Variants in PTPRK observed in about 807,000 individuals in gnomAD.
The protein encoded by PTPRK is protein tyrosine phosphatase receptor type K.
Under a neutral mutation model 178.0 loss-of-function variants are expected in PTPRK, and 75 were observed. The observed-to-expected ratio is 0.42, with a 90% CI of 0.35 to 0.51. The LOEUF (loss-of-function observed/expected upper bound fraction) is 0.51. Ranked by LOEUF, PTPRK falls within the 20% of genes least tolerant of loss-of-function variation. The pLI is 0.02. For synonymous variants in PTPRK, 637 were observed against 620.6 expected (o/e 1.03, Z -0.39); for missense variants, 1,441 against 1,797.8 (o/e 0.80, Z 3.59).
In PTPRK at chr6:127,973,678, C is replaced by T. The variant is rs138416879; in HGVS notation, c.4119G>A (p.Thr1373=). The part of the protein sequence containing the change: ...QEECEEGEGR[T]IIHCLNGGGR... ...GCCCTACTCACAGGCAGTGGATAAT[C>T]GTCCGGCCTTCCCCTTCCTCGCATT... The change falls in exon 28 of 30, where the codon ACG becomes ACA. Residue 1373 remains threonine, a synonymous_variant. Transcript: ENST00000368226. 1.8e-5 allele frequency: 29 copies of T among 1,613,538 alleles called. 1 individual carries two copies. The highest frequency in any genetic ancestry group is 5.3e-5 in the African/African-American group (4 of 74,878).
intron 1 of PTPRK, among the ~76,000 whole-genome samples, chr6:128,402,442 G>A (rs998982470): frequency 3.9e-5 from 6 of 151,976 alleles, no homozygotes; most frequent in African/African-American, 1.2e-4. Context: ...TAGTAGAGAC[G>A]GGGTTTCACC....
chr6:128,025,847 A>G (rs558927567), intron 13 of PTPRK, among the ~76,000 whole-genome samples: 35 of 152,298 alleles, frequency 2.3e-4, no homozygotes, highest in African/African-American at 7.9e-4. Flanking sequence ...ATAAGAATAC[A>G]TGTAACTGGA....
intron 1 of PTPRK, among the ~76,000 whole-genome samples, chr6:128,434,879 T>C (rs1334248041): frequency 6.6e-6 from 1 of 150,534 alleles, no homozygotes; most frequent in African/African-American, 2.4e-5. Flanking sequence ...AAAAAAAAAG[T>C]TGAGCATGGT....
chr6:127,996,925 T>G lies in PTPRK; in HGVS notation c.2743A>C (p.Asn915His), dbSNP rs533847533. Reference protein sequence around the residue: ...VAKKDQNRAKNRYGNIIAYDH... With the variant: ...VAKKDQNRAKHRYGNIIAYDH... ...CATGCTATAATGTTTCCATATCGGT[T>G]TTTTGCTCTATTTTGATCTTTTTTA... Residue 915 changes from asparagine (N) to histidine (H), a missense_variant, in exon 17 of 30, where the codon AAC becomes CAC. Transcript: ENST00000368226. The G allele has an allele frequency of 1.2e-6, 2 of 1,611,464 alleles. No homozygotes were observed. The highest frequency in any genetic ancestry group is 2.2e-5 in the South Asian group (2 of 90,772).
At chr6:128,211,666 G>A (rs1053061816) in intron 6 of PTPRK, among the ~76,000 whole-genome samples, 1 of 152,016 alleles carries the variant, frequency 6.6e-6, no homozygotes, top group Non-Finnish European at 1.5e-5. Flanking sequence ...CTGGTCAGCA[G>A]AATGTATATT....
chr6:128,513,587 C>A (rs1857495324), intron 1 of PTPRK, among the ~76,000 whole-genome samples: 1 of 151,752 alleles, frequency 6.6e-6, no homozygotes, highest in Non-Finnish European at 1.5e-5. Flanking sequence ...ATCATTAATC[C>A]TTTTGCAATA....
At chr6:128,208,913 C>T (rs1278761297) in intron 6 of PTPRK, among the ~76,000 whole-genome samples, 1 of 152,080 alleles carries the variant, frequency 6.6e-6, no homozygotes, top group African/African-American at 2.4e-5. Flanking sequence ...CAAATGAGTT[C>T]TTCTACAAGG....
At chr6:128,194,069 A>G (rs1457879116) in intron 6 of PTPRK, among the ~76,000 whole-genome samples, 1 of 131,816 alleles carries the variant, frequency 7.6e-6, no homozygotes, top group Admixed American at 7.4e-5. Flanking sequence ...TATATATATT[A>G]TTATTATTAT....
At chr6:128,149,462 T>C (rs1796964587) in intron 7 of PTPRK, among the ~76,000 whole-genome samples, 1 of 152,192 alleles carries the variant, frequency 6.6e-6, no homozygotes, top group African/African-American at 2.4e-5. Flanking sequence ...ATAGTTGTTA[T>C]ATTGCAGTCA....
chr6:128,425,330 G>A (rs907518376), intron 1 of PTPRK, among the ~76,000 whole-genome samples: 1 of 151,982 alleles, frequency 6.6e-6, no homozygotes, highest in African/African-American at 2.4e-5. Context: ...GCCTGCCTCA[G>A]CCTCCCAAAG....
At chr6:127,982,283 T>C (rs1438906554) in intron 24 of PTPRK, among the ~76,000 whole-genome samples, 1 of 152,160 alleles carries the variant, frequency 6.6e-6, no homozygotes, top group Non-Finnish European at 1.5e-5. Flanking sequence ...TATTTCTTTT[T>C]TTTTTCTGAG....
chr6:128,360,557 T>C (rs1834594046), intron 2 of PTPRK, among the ~76,000 whole-genome samples: 2 of 152,184 alleles, frequency 1.3e-5, no homozygotes, highest in South Asian at 2.1e-4. Flanking sequence ...ACCTAATAAG[T>C]ATGGTGAATA....
intron 5 of PTPRK, among the ~76,000 whole-genome samples, chr6:128,231,085 T>A (rs1468050996): frequency 1.3e-5 from 2 of 152,226 alleles, no homozygotes; most frequent in African/African-American, 4.8e-5. Context: ...AAAGTAAATA[T>A]GATTAAACTT....
chr6:128,170,841 A>C (rs2114644133), intron 7 of PTPRK, among the ~76,000 whole-genome samples: 1 of 152,154 alleles, frequency 6.6e-6, no homozygotes, highest in Middle Eastern at 3.4e-3. Context: ...GAATGACTTT[A>C]AAATGCTAGT....
intron 18 of PTPRK, 57 bp from the exon 19 acceptor site, chr6:127,992,766 T>C: frequency 1.5e-6 from 2 of 1,379,290 alleles, no homozygotes; most frequent in East Asian, 2.4e-5. Flanking sequence ...AATAAATGAA[T>C]GAAGGCATAA....
chr6:128,085,891 C>A (rs1026780455), intron 8 of PTPRK, among the ~76,000 whole-genome samples: 1 of 152,162 alleles, frequency 6.6e-6, no homozygotes, highest in Non-Finnish European at 1.5e-5. Context: ...AAGACACACA[C>A]AAACAGGTGA....
intron 21 of PTPRK, among the ~76,000 whole-genome samples, chr6:127,986,860 G>C (rs1188593426): frequency 6.6e-6 from 1 of 152,138 alleles, no homozygotes; most frequent in Non-Finnish European, 1.5e-5. Context: ...AACCTTGGAA[G>C]TTAGTGATCA....
intron 9 of PTPRK, among the ~76,000 whole-genome samples, chr6:128,083,155 C>T (rs1289580474): frequency 1.3e-5 from 2 of 152,018 alleles, no homozygotes; most frequent in Non-Finnish European, 2.9e-5. Flanking sequence ...CTAATCAACG[C>T]TATGTAGGAA....
chr6:128,090,781 T>C (rs1376936471), intron 7 of PTPRK, among the ~76,000 whole-genome samples: 1 of 152,154 alleles, frequency 6.6e-6, no homozygotes, highest in Non-Finnish European at 1.5e-5. Flanking sequence ...TCTAACTTAA[T>C]CAACGTAACT....
Sources: allele counts gnomAD v4.1 joint callset (sites outside exome capture counted in the v4.1 genomes callset), GRCh38; gene constraint gnomAD v4.1.1; transcripts MANE v1.5; gene names NCBI Gene and HGNC (gene_info 2026-07-23, HGNC 2026-07-21).